OR3A2: variants seen among roughly 807,000 people sequenced by gnomAD.
OR3A2 encodes olfactory receptor family 3 subfamily A member 2.
For synonymous variants in OR3A2, 126 were observed against 159.3 expected, an observed-to-expected ratio of 0.79 and a Z score of 1.57; for missense variants, 318 against 392.8, an observed-to-expected ratio of 0.81 and a Z score of 1.61.
At chr17:3,364,357 T>C (rs2049545409) in intron 2 of OR3A2, among the ~76,000 whole-genome samples, 1 of 152,226 alleles carries the variant, frequency 6.6e-6, no homozygotes, top group African/African-American at 2.4e-5. Flanking sequence ...GATGAAAACA[T>C]TTAAAATTCT....
intron 3 of OR3A2, chr17:3,310,565 G>A (rs750126374): frequency 5.6e-6 from 3 of 536,704 alleles, no homozygotes; most frequent in Non-Finnish European, 7.7e-6. Context: ...CTGCCATGCT[G>A]AGCCATTTCA....
At chr17:3,292,499 T>C (rs1234705303) in intron 3 of OR3A2, 1 of 1,613,588 alleles carries the variant, frequency 6.2e-7, no homozygotes, top group East Asian at 2.2e-5. Context: ...CAAAGACAAC[T>C]GGCTGCAGCC....
rs1456563611 is a variant in OR3A2 at position 3,327,120 on chromosome 17, G to C, written c.-85+8913C>G. 2.7e-5 allele frequency among the ~76,000 whole-genome samples: 2 copies of C among 73,854 alleles called. 1 individual carries two copies. Among genetic ancestry groups the C allele is most frequent in the Non-Finnish European group, 4.4e-5 (2 of 45,342 alleles). 48.5% of individuals were successfully genotyped at this position (73,854 alleles called of 152,430 possible). A position where few individuals can be genotyped will look rare whatever the true frequency, so the allele number is the denominator to read the frequency against. The stretch of plus-strand genomic sequence containing the variant: ...GGTATTTCTAGTTCTAGATCCTTGA[G>C]GAATCGCGACACTGACTTCCACAAT... On this transcript the variant is annotated intron_variant, in intron 3 of 4. Coordinates refer to the OR3A2 transcript ENST00000573491.
At chr17:3,285,306 T>C (rs373179339), upstream of OR3A2, among the ~76,000 whole-genome samples, 5 of 152,210 alleles carry the variant, frequency 3.3e-5, no homozygotes, top group East Asian at 1.9e-4. Flanking sequence ...AAAAGCAGAA[T>C]AGACAAACCT....
At chr17:3,364,410 T>C (rs2049545806) in intron 2 of OR3A2, among the ~76,000 whole-genome samples, 1 of 152,208 alleles carries the variant, frequency 6.6e-6, no homozygotes, top group Non-Finnish European at 1.5e-5. Flanking sequence ...TTATTAATTA[T>C]GGTCCATGCT....
At chr17:3,350,728 CA>C (rs1290560376) in intron 2 of OR3A2, among the ~76,000 whole-genome samples, 2 of 150,980 alleles carry the variant, frequency 1.3e-5, no homozygotes, top group Non-Finnish European at 3.0e-5. Flanking sequence ...GAGACACAAC[CA>C]AAAGAGAGAA....
chr17:3,293,411 C>A (rs1319443410), intron 3 of OR3A2, among the ~76,000 whole-genome samples: 5 of 152,152 alleles, frequency 3.3e-5, no homozygotes, highest in Non-Finnish European at 7.4e-5. Context: ...ATTCATTACA[C>A]ACAAATAAAA....
At chr17:3,357,961 T>C (rs1431084632) in intron 2 of OR3A2, among the ~76,000 whole-genome samples, 1 of 151,180 alleles carries the variant, frequency 6.6e-6, no homozygotes, top group Non-Finnish European at 1.5e-5. Context: ...GAGATCAGAG[T>C]GGGGGTCAGG....
chr17:3,278,961 A>G (rs369362173), intron 1 of OR3A2, 38 bp from the exon 5 acceptor site: 169 of 1,572,044 alleles, frequency 1.1e-4, no homozygotes, highest in Middle Eastern at 6.8e-4. Context: ...GTATCAGTTC[A>G]CTCAGTTCAC....
rs750656246 is a variant in OR3A2, at chr17:3,355,072, ATTC to A, written c.-178-18949_-178-18947del. Among the ~76,000 whole-genome samples, 38 of 151,440 alleles carry A rather than the reference ATTC, an allele frequency of 2.5e-4. 1 individual carries two copies. Among genetic ancestry groups the A allele is most frequent in the Non-Finnish European group, 3.7e-4 (25 of 67,788 alleles). ...AATGTGTTCATATAGTTCCAAAATT[ATTC>A]TTATTATAGTTCCATATAGTTCACA... On this transcript the variant is annotated intron_variant, in intron 2 of 4. Coordinates refer to the OR3A2 transcript ENST00000573491.
chr17:3,345,659 A>T (rs990935754), intron 2 of OR3A2, among the ~76,000 whole-genome samples: 20 of 152,242 alleles, frequency 1.3e-4, no homozygotes, highest in African/African-American at 4.6e-4. Flanking sequence ...AGTCTCCCAG[A>T]AAGTAGAGAG....
At chr17:3,317,626 G>A (rs1328615090) in intron 3 of OR3A2, among the ~76,000 whole-genome samples, 1 of 152,068 alleles carries the variant, frequency 6.6e-6, no homozygotes, top group African/African-American at 2.4e-5. Context: ...CCATAAAATA[G>A]GAATGGGAAT....
chr17:3,289,987 C>T (rs2048850592), intron 3 of OR3A2, among the ~76,000 whole-genome samples: 1 of 152,062 alleles, frequency 6.6e-6, no homozygotes. Context: ...ATTTTAGATA[C>T]GTAGCTGGAG....
chr17:3,331,800 A>G (rs1408735348), intron 3 of OR3A2, among the ~76,000 whole-genome samples: 2 of 151,866 alleles, frequency 1.3e-5, no homozygotes, highest in African/African-American at 2.4e-5. Flanking sequence ...TCTGCATTTT[A>G]GAGTTTCCAG....
intron 2 of OR3A2, among the ~76,000 whole-genome samples, chr17:3,348,329 G>C (rs2049387836): frequency 6.6e-6 from 1 of 152,128 alleles, no homozygotes; most frequent in African/African-American, 2.4e-5. Context: ...CCATGCCTAT[G>C]TCCTGAATGG....
intron 3 of OR3A2, among the ~76,000 whole-genome samples, chr17:3,308,305 C>G (rs1024938386): frequency 1.3e-5 from 2 of 152,164 alleles, no homozygotes; most frequent in Admixed American, 1.3e-4. Flanking sequence ...CTTTGTCTGT[C>G]TGTCCTTTAT....
chr17:3,363,626 T>C (rs2049537488), intron 2 of OR3A2, among the ~76,000 whole-genome samples: 1 of 148,822 alleles, frequency 6.7e-6, no homozygotes, highest in South Asian at 2.1e-4. Context: ...AGTTCCAAAG[T>C]TGCTTCCACA....
At position 3,371,844 on chromosome 17, in the gene OR3A2, C is replaced by T. The variant is rs1264688062; in HGVS notation, c.-179+11960G>A. On this transcript the variant is annotated intron_variant, in intron 2 of 4. Transcript: ENST00000573491. ...GGGGGCTGACCTCCCCACCACCTCC[C>T]GCCCGGACGGGGCGGCTGGCCGGGA... 4.3e-5 allele frequency among the ~76,000 whole-genome samples: 6 copies of T among 140,500 alleles called. 1 individual carries two copies. The highest frequency in any genetic ancestry group is 8.1e-5 in the African/African-American group (3 of 37,062). 92.2% of individuals were successfully genotyped at this position (140,500 alleles called of 152,430 possible). A position where few individuals can be genotyped will look rare whatever the true frequency, so the allele number is the denominator to read the frequency against.
At chr17:3,312,764 C>G (rs1399839307) in intron 3 of OR3A2, among the ~76,000 whole-genome samples, 2 of 152,124 alleles carry the variant, frequency 1.3e-5, no homozygotes, top group Non-Finnish European at 2.9e-5. Flanking sequence ...GCTGGGATTA[C>G]AGGTGCCTGC....
Sources: gnomAD v4.1 joint callset for allele counts (sites outside exome capture counted in the v4.1 genomes callset) on GRCh38, gnomAD v4.1.1 for gene constraint, MANE v1.5 for transcripts, NCBI Gene and HGNC (gene_info 2026-07-23, HGNC 2026-07-21) for gene names.